AKAP7: variants seen among roughly 807,000 people sequenced by gnomAD.
AKAP7 encodes A kinase (PRKA) anchor protein 7.
AKAP7 carries 39 observed loss-of-function variants against 39.5 expected under a neutral mutation model. The ratio of observed to expected loss-of-function variants is 0.99; its 90% CI spans 0.76 to 1.29. The LOEUF (loss-of-function observed/expected upper bound fraction) is 1.29, where lower values mean the gene tolerates loss of function less well. Among genes scored for constraint, AKAP7 ranks in the 50% most tolerant of loss-of-function variants. The pLI, the probability that AKAP7 is intolerant of heterozygous loss-of-function variation, is 0.00. For missense variants in AKAP7, 414 were observed against 407.7 expected, an observed-to-expected ratio of 1.02 and a Z score of -0.13; for synonymous variants, 140 against 139.1, an observed-to-expected ratio of 1.01 and a Z score of -0.05.
intron 2 of AKAP7, among the ~76,000 whole-genome samples, chr6:131,154,505 G>A (rs1174746103): frequency 7.8e-6 from 1 of 128,298 alleles, no homozygotes. Flanking sequence ...TTGCATTGTA[G>A]AAACTTTGAA....
chr6:131,159,929 CA>C, intron 2 of AKAP7, 129 bp from the exon 3 acceptor site: 1 of 890,634 alleles, frequency 1.1e-6, no homozygotes, highest in Non-Finnish European at 1.6e-6. Flanking sequence ...GAAATGTTTG[CA>C]AACTCCTGCT....
At chr6:131,229,398 G>T (rs1373549020) in intron 7 of AKAP7, among the ~76,000 whole-genome samples, 1 of 152,168 alleles carries the variant, frequency 6.6e-6, no homozygotes, top group African/African-American at 2.4e-5. Flanking sequence ...GCCCAGGCTG[G>T]AATGCAGTGG....
chr6:131,275,607 A>C (rs544570791), intron 7 of AKAP7, among the ~76,000 whole-genome samples: 39 of 152,312 alleles, frequency 2.6e-4, no homozygotes, highest in African/African-American at 8.9e-4. Flanking sequence ...GGAAAGGGGA[A>C]GCAGGAGGGT....
At chr6:131,207,199 A>G (rs1387582869) in intron 6 of AKAP7, among the ~76,000 whole-genome samples, 1 of 152,186 alleles carries the variant, frequency 6.6e-6, no homozygotes, top group East Asian at 1.9e-4. Flanking sequence ...GAATGACAGA[A>G]AGAAGAAAGG....
At chr6:131,202,511 C>T (rs1807680572) in intron 6 of AKAP7, among the ~76,000 whole-genome samples, 1 of 149,486 alleles carries the variant, frequency 6.7e-6, no homozygotes, top group Non-Finnish European at 1.5e-5. Flanking sequence ...ATCGCAAGGA[C>T]AAAAAACCAA....
chr6:131,277,701 T>C (rs1814863000), intron 7 of AKAP7, among the ~76,000 whole-genome samples: 1 of 152,232 alleles, frequency 6.6e-6, no homozygotes, highest in South Asian at 2.1e-4. Flanking sequence ...ATTTTTTGAA[T>C]TGCTGCATTA....
chr6:131,195,332 A>G lies in AKAP7; in HGVS notation c.590-4129A>G, dbSNP rs146732220. Among the ~76,000 whole-genome samples the G allele has an allele frequency of 8.9e-4, 136 of 152,236 alleles. 1 individual carries two copies. The highest frequency in any genetic ancestry group is 1.2e-3 in the Non-Finnish European group (83 of 67,978). On this transcript the variant is annotated intron_variant, in intron 5 of 7. Coordinates refer to ENST00000431975, the MANE Select transcript of AKAP7 (RefSeq NM_016377.4). ...AAAACTAATAAAAACTTTACACCTT[A>G]ACTTTGTCTTCTCACTTGTTAACTT... is the stretch of plus-strand genomic sequence containing the variant.
chr6:131,162,712 C>G (rs1803100385), intron 3 of AKAP7, among the ~76,000 whole-genome samples: 1 of 152,156 alleles, frequency 6.6e-6, no homozygotes, highest in Non-Finnish European at 1.5e-5. Context: ...GCCAGGTTCC[C>G]TTGGCCCCAG....
At chr6:131,173,382 G>C (rs1271574483) in intron 5 of AKAP7, among the ~76,000 whole-genome samples, 1 of 152,006 alleles carries the variant, frequency 6.6e-6, no homozygotes, top group African/African-American at 2.4e-5. Flanking sequence ...TAGAATATAG[G>C]ACATAATGCT....
At chr6:131,184,560 C>G (rs2128261399) in intron 5 of AKAP7, 2 of 725,962 alleles carry the variant, frequency 2.8e-6, no homozygotes, top group East Asian at 2.5e-5. Flanking sequence ...ACTGCCCCAT[C>G]ATCATGGGGG....
At chr6:131,170,379 A>T (rs1444487536) in intron 5 of AKAP7, among the ~76,000 whole-genome samples, 1 of 152,054 alleles carries the variant, frequency 6.6e-6, no homozygotes, top group African/African-American at 2.4e-5. Flanking sequence ...AAAAAAAAAT[A>T]ATAACCTAGG....
chr6:131,215,145 C>T (rs1809026493), intron 6 of AKAP7, among the ~76,000 whole-genome samples: 1 of 152,110 alleles, frequency 6.6e-6, no homozygotes, highest in African/African-American at 2.4e-5. Context: ...ATAATTGGGC[C>T]ATATAAAGTA....
At chr6:131,184,738 G>A in intron 5 of AKAP7, 1 of 961,834 alleles carries the variant, frequency 1.0e-6, no homozygotes, top group Non-Finnish European at 1.7e-6. Context: ...CTGTTCCTCA[G>A]ACCTCTGGGA....
intron 5 of AKAP7, among the ~76,000 whole-genome samples, chr6:131,181,531 T>TAAGC (rs1562191056): frequency 1.3e-5 from 2 of 152,208 alleles, no homozygotes; most frequent in Non-Finnish European, 2.9e-5. Flanking sequence ...AGCACAAAAC[T>TAAGC]AAGCATTTTT....
chr6:131,129,848 C>T, the AKAP7 span, among the ~76,000 whole-genome samples: 1 of 152,224 alleles, frequency 6.6e-6, no homozygotes, highest in South Asian at 2.1e-4. Flanking sequence ...TCTTGTAGAA[C>T]TGCATGATGT....
intron 7 of AKAP7, among the ~76,000 whole-genome samples, chr6:131,227,647 A>C (rs1810291075): frequency 6.6e-6 from 1 of 152,180 alleles, no homozygotes; most frequent in Admixed American, 6.5e-5. Context: ...AGAAGCAAAG[A>C]TCTCCATTGA....
At chr6:131,130,098 A>T in the AKAP7 span, among the ~76,000 whole-genome samples, 3 of 152,216 alleles carry the variant, frequency 2.0e-5, no homozygotes, top group Admixed American at 6.5e-5. Context: ...TTTCAGGAAC[A>T]GTGTGGCAAT....
At chr6:131,173,734 A>T (rs1345071218) in intron 5 of AKAP7, among the ~76,000 whole-genome samples, 2 of 152,164 alleles carry the variant, frequency 1.3e-5, no homozygotes, top group Admixed American at 6.5e-5. Flanking sequence ...AGTTAAACTT[A>T]ATCTTTTCTT....
Position 131,253,074 on chromosome 6 carries a change from A to T in AKAP7, c.851-28456A>T, listed in dbSNP as rs764002161. The T allele has an allele frequency of 4.3e-6, 7 of 1,613,630 alleles. No individual in the cohort carries two copies. In the South Asian group the frequency reaches 6.6e-5, roughly 15 times the overall value. On this transcript the variant is annotated intron_variant, in intron 7 of 7. Coordinates refer to ENST00000431975, the MANE Select transcript of AKAP7 (RefSeq NM_016377.4). ...GCTCGTCCTCTGCAGTCCTACAGAG[A>T]TACAGCAAGGATATACCCAGTTGGT...
Sources: gnomAD v4.1 joint callset for allele counts (sites outside exome capture counted in the v4.1 genomes callset) on GRCh38, gnomAD v4.1.1 for gene constraint, MANE v1.5 for transcripts, NCBI Gene and HGNC (gene_info 2026-07-23, HGNC 2026-07-21) for gene names.